The following COL14A1 variants were observed in gnomAD, a reference collection of about 807,000 sequenced individuals.
COL14A1 encodes collagen type XIV alpha 1 chain, also known as collagen alpha-1(XIV) chain.
A neutral mutation model predicts 230.3 loss-of-function variants in COL14A1; 136 were observed. That is an observed-to-expected ratio of 0.59 (90% CI 0.51 to 0.68). The LOEUF is 0.68. Among genes scored for constraint, COL14A1 ranks in the 30% least tolerant of loss-of-function variants. COL14A1 has a pLI of 0.00. For missense variants in COL14A1, 1,976 were observed against 2,215.8 expected (o/e 0.89, Z 2.17); for synonymous variants, 792 against 784.1 (o/e 1.01, Z -0.17).
chr8:120,232,043 T>G (rs1005222600), intron 19 of COL14A1: 6 of 155,230 alleles, frequency 3.9e-5, no homozygotes, highest in Admixed American at 3.8e-4. Context: ...AGAAAAGGTC[T>G]TCTATATGGT....
intron 37 of COL14A1, among the ~76,000 whole-genome samples, chr8:120,312,828 A>T (rs1030831641): frequency 2.6e-5 from 4 of 152,158 alleles, no homozygotes; most frequent in African/African-American, 7.2e-5. Context: ...TGTCCCATGT[A>T]ACGTGTTCAC....
intron 2 of COL14A1, among the ~76,000 whole-genome samples, chr8:120,157,849 G>C (rs577219648): frequency 4.6e-5 from 7 of 152,278 alleles, no homozygotes; most frequent in Admixed American, 4.6e-4. Flanking sequence ...AGCCGGGCGT[G>C]GTGGCACGTG....
chr8:120,271,096 C>T (rs920440215), intron 26 of COL14A1, among the ~76,000 whole-genome samples: 2 of 151,676 alleles, frequency 1.3e-5, no homozygotes, highest in African/African-American at 4.8e-5. Flanking sequence ...AGCTAGAGGC[C>T]ATTATCCTAA....
At chr8:120,193,943 GCCAT>G (rs1816932691) in intron 5 of COL14A1, among the ~76,000 whole-genome samples, 2 of 152,168 alleles carry the variant, frequency 1.3e-5, no homozygotes, top group Admixed American at 1.3e-4. Context: ...TTTTCCAGGT[GCCAT>G]CTGTCACCCC....
rs528737609 is a variant in COL14A1 at position 120,245,701 on chromosome 8, G to A, written c.2479+1693G>A. On this transcript the variant is annotated intron_variant, in intron 20 of 47. Coordinates refer to ENST00000297848, the MANE Select transcript of COL14A1 (RefSeq NM_021110.4). The stretch of plus-strand genomic sequence containing the variant: ...GGGCTGGGCTGGTCTGGATGTTACA[G>A]GACAACTTTACCCACATGTCTGGCA... Among the ~76,000 whole-genome samples, 3 of 152,228 alleles carry A rather than the reference G, an allele frequency of 2.0e-5. No individual in the cohort carries two copies. The East Asian group carries it at 5.8e-4, about 29-fold the overall frequency.
At chr8:120,289,416 A>G (rs891976268) in intron 33 of COL14A1, among the ~76,000 whole-genome samples, 192 bp from the exon 34 acceptor site, 3 of 152,224 alleles carry the variant, frequency 2.0e-5, no homozygotes, top group East Asian at 1.9e-4. Context: ...AGATAAAAAT[A>G]GAGATGGTAC....
At chr8:120,230,173 T>A (rs1178999587) in intron 18 of COL14A1, among the ~76,000 whole-genome samples, 2 of 152,172 alleles carry the variant, frequency 1.3e-5, no homozygotes, top group African/African-American at 4.8e-5. Flanking sequence ...TGAGCCACCA[T>A]GCCTGGCCTT....
intron 3 of COL14A1, among the ~76,000 whole-genome samples, chr8:120,160,918 T>G (rs1815644978): frequency 6.6e-6 from 1 of 152,166 alleles, no homozygotes; most frequent in Non-Finnish European, 1.5e-5. Context: ...TTCAGGAATC[T>G]CAAAGCCTTT....
Position 120,231,463 on chromosome 8 carries a change from C to T in COL14A1, c.2198-4C>T. ...TTTTTAATCCTTGGTTGTGTTTATT[C>T]CAGTTTTCCAGACGGGAATCAGAAA... is the stretch of plus-strand genomic sequence containing the variant. On this transcript the variant is annotated splice_region_variant and splice_polypyrimidine_tract_variant and intron_variant, in intron 18 of 47. Transcript: ENST00000297848. 1 of 1,612,342 alleles carries T rather than the reference C, an allele frequency of 6.2e-7. No individual in the cohort carries two copies. The highest frequency in any genetic ancestry group is 8.5e-7 in the Non-Finnish European group (1 of 1,179,440).
chr8:120,172,456 T>C (rs1448534742), intron 5 of COL14A1, among the ~76,000 whole-genome samples: 1 of 152,134 alleles, frequency 6.6e-6, no homozygotes, highest in Non-Finnish European at 1.5e-5. Flanking sequence ...CGGTTAGGGT[T>C]AAATTCTCGT....
chr8:120,181,506 A>T lies in COL14A1; in HGVS notation c.436+13259A>T, dbSNP rs139050792. On this transcript the variant is annotated intron_variant, in intron 5 of 47. Coordinates refer to ENST00000297848, the MANE Select transcript of COL14A1 (RefSeq NM_021110.4). Reference sequence around the variant, plus strand: ...GCAAAAATTGATTTTGGGAGTGAAAAGTGAAAAATATTAATTATTTTATCT... The same window carrying T: ...GCAAAAATTGATTTTGGGAGTGAAATGTGAAAAATATTAATTATTTTATCT... Among the ~76,000 whole-genome samples the T allele has an allele frequency of 3.3e-5, 5 of 152,274 alleles. No homozygotes were observed. The East Asian group carries it at 9.7e-4, about 29-fold the overall frequency.
chr8:120,284,754 A>G (rs74790510), intron 32 of COL14A1, among the ~76,000 whole-genome samples: 1 of 152,192 alleles, frequency 6.6e-6, no homozygotes, highest in Non-Finnish European at 1.5e-5. Context: ...GAAAATGAAG[A>G]ATTTTCTTAA....
intron 5 of COL14A1, among the ~76,000 whole-genome samples, chr8:120,179,874 C>T (rs914742513): frequency 8.5e-5 from 13 of 152,072 alleles, no homozygotes; most frequent in Admixed American, 5.2e-4. Flanking sequence ...GGAACAGAAG[C>T]GAGTCTTCAT....
At chr8:120,234,562 T>G (rs973628753) in intron 19 of COL14A1, among the ~76,000 whole-genome samples, 19 of 152,218 alleles carry the variant, frequency 1.2e-4, no homozygotes, top group African/African-American at 4.6e-4. Flanking sequence ...CTGCATCTAT[T>G]GAGATAATCA....
chr8:120,184,211 T>TG (rs370512548), intron 5 of COL14A1, among the ~76,000 whole-genome samples: 5,343 of 147,568 alleles, frequency 0.036, 348 homozygotes, highest in African/African-American at 0.13. Flanking sequence ...GGTGTGTGTG[T>TG]GGGGGGGGAA....
At chr8:120,283,550 T>C (rs1820103697) in intron 31 of COL14A1, 86 bp from the exon 32 acceptor site, 2 of 1,397,830 alleles carry the variant, frequency 1.4e-6, no homozygotes, top group Admixed American at 2.4e-5. Flanking sequence ...AAATCTTGTG[T>C]AATGAAAATG....
intron 44 of COL14A1, 64 bp from the exon 45 acceptor site, chr8:120,345,311 C>T: frequency 6.9e-7 from 1 of 1,442,524 alleles, no homozygotes; most frequent in Non-Finnish European, 9.3e-7. Flanking sequence ...CAAATGACAC[C>T]CCTGGTCCTC....
At chr8:120,149,824 T>A (rs7828948) in intron 2 of COL14A1, among the ~76,000 whole-genome samples, 152,094 of 152,094 alleles carry the variant, frequency 1, 76,047 homozygotes, top group Non-Finnish European at 1. Flanking sequence ...CCTCCCAAGT[T>A]GCTGGGATTA....
At chr8:120,283,380 A>AT (rs1820099427) in intron 31 of COL14A1, among the ~76,000 whole-genome samples, 1 of 152,228 alleles carries the variant, frequency 6.6e-6, no homozygotes, top group Non-Finnish European at 1.5e-5. Context: ...CAGCCATGAA[A>AT]TATCATGCTC....
Sources: allele counts gnomAD v4.1 joint callset (sites outside exome capture counted in the v4.1 genomes callset), GRCh38; gene constraint gnomAD v4.1.1; transcripts MANE v1.5; gene names NCBI Gene and HGNC (gene_info 2026-07-23, HGNC 2026-07-21).